Variants in FHIP1A observed in about 807,000 individuals in gnomAD.
FHIP1A encodes FHF complex subunit HOOK-interacting protein 1A.
FHIP1A carries 61 observed loss-of-function variants against 88.6 expected under a neutral mutation model. The observed-to-expected ratio is 0.69, with a 90% CI of 0.56 to 0.85. The LOEUF is 0.85. FHIP1A is among the 40% of genes least tolerant of loss of function. The pLI is 0.00. For synonymous variants in FHIP1A, 478 were observed against 496.0 expected, an observed-to-expected ratio of 0.96 and a Z score of 0.48; for missense variants, 1,154 against 1,273.5, an observed-to-expected ratio of 0.91 and a Z score of 1.43.
At chr4:151,515,197 C>A (rs1443058012) in intron 3 of FHIP1A, among the ~76,000 whole-genome samples, 4 of 151,894 alleles carry the variant, frequency 2.6e-5, no homozygotes, top group African/African-American at 9.7e-5. Context: ...GAACCAAAGA[C>A]AAAAACCACA....
At chr4:151,446,174 T>C (rs1194307928) in intron 1 of FHIP1A, among the ~76,000 whole-genome samples, 2 of 152,088 alleles carry the variant, frequency 1.3e-5, no homozygotes, top group Non-Finnish European at 2.9e-5. Context: ...ATGATCAGAC[T>C]TCTTAAATCT....
rs532787602 is a variant in FHIP1A, at chr4:151,413,792, G to A, written c.-356+4327G>A. 2.0e-5 allele frequency among the ~76,000 whole-genome samples: 3 copies of A among 152,096 alleles called. No homozygotes were observed. The South Asian group carries it at 6.2e-4, about 32-fold the overall frequency. On this transcript the variant is annotated intron_variant, in intron 1 of 13. Coordinates refer to ENST00000435205, the MANE Select transcript of FHIP1A (RefSeq NM_001109977.3). ...CTTAAAAAAAAAAGCCCTTTGGCAA[G>A]GATGGAGCAAAGGTCTTTTGTCAGA... is the stretch of plus-strand genomic sequence containing the variant.
intron 3 of FHIP1A, among the ~76,000 whole-genome samples, chr4:151,504,261 T>C (rs1730748190): frequency 6.6e-6 from 1 of 152,260 alleles, no homozygotes; most frequent in Non-Finnish European, 1.5e-5. Flanking sequence ...TACAGTTGGC[T>C]ACTGATCATT....
intron 2 of FHIP1A, among the ~76,000 whole-genome samples, chr4:151,458,096 T>C (rs964417300): frequency 6.6e-6 from 1 of 152,182 alleles, no homozygotes; most frequent in Non-Finnish European, 1.5e-5. Flanking sequence ...GTAAATGTTA[T>C]TATTATCCCC....
chr4:151,592,051 CACAATGGTTGAACTAATTT>C (rs931920582), intron 7 of FHIP1A, among the ~76,000 whole-genome samples: 6 of 152,150 alleles, frequency 3.9e-5, no homozygotes, highest in Admixed American at 1.3e-4. Context: ...CACTGTCTTC[CACAATGGTTGAACTAATTT>C]ACACTCCCGC....
intron 7 of FHIP1A, among the ~76,000 whole-genome samples, chr4:151,616,456 T>G (rs894797921): frequency 6.9e-6 from 1 of 144,886 alleles, no homozygotes; most frequent in East Asian, 2.0e-4. Flanking sequence ...TTTTTTTTTT[T>G]TTTTTTTTTT....
intron 7 of FHIP1A, among the ~76,000 whole-genome samples, chr4:151,628,821 G>T (rs1736048392): frequency 6.6e-6 from 1 of 152,138 alleles, no homozygotes; most frequent in Admixed American, 6.5e-5. Context: ...CCCTGGGAAT[G>T]ACCTCTATTC....
intron 3 of FHIP1A, among the ~76,000 whole-genome samples, chr4:151,500,510 T>C (rs997523278): frequency 6.6e-6 from 1 of 151,454 alleles, no homozygotes; most frequent in African/African-American, 2.4e-5. Context: ...CCCATGTCAC[T>C]TGGGGCAACT....
intron 13 of FHIP1A, among the ~76,000 whole-genome samples, chr4:151,660,873 T>C (rs1192375527): frequency 6.6e-6 from 1 of 152,232 alleles, no homozygotes; most frequent in Non-Finnish European, 1.5e-5. Context: ...TTATACCTAT[T>C]GACTCATTTA....
chr4:151,428,536 C>T (rs1463922744), intron 1 of FHIP1A, among the ~76,000 whole-genome samples: 1 of 152,170 alleles, frequency 6.6e-6, no homozygotes, highest in Non-Finnish European at 1.5e-5. Flanking sequence ...CTACCTCACC[C>T]TTAGTAATAT....
At chr4:151,433,856 C>G (rs936829465) in intron 1 of FHIP1A, among the ~76,000 whole-genome samples, 2 of 152,120 alleles carry the variant, frequency 1.3e-5, no homozygotes, top group Non-Finnish European at 2.9e-5. Flanking sequence ...GCCATATTAT[C>G]TTGATTCTAT....
intron 7 of FHIP1A, among the ~76,000 whole-genome samples, chr4:151,628,436 A>C (rs1274150939): frequency 6.6e-6 from 1 of 152,122 alleles, no homozygotes; most frequent in Non-Finnish European, 1.5e-5. Flanking sequence ...CTCAGGGCTC[A>C]TCTACACTTA....
intron 3 of FHIP1A, among the ~76,000 whole-genome samples, chr4:151,564,635 T>C (rs1733310548): frequency 6.6e-6 from 1 of 152,198 alleles, no homozygotes. Flanking sequence ...TTTGTAGTAT[T>C]TGGAATTTTA....
At chr4:151,468,238 T>A (rs1729392763) in intron 2 of FHIP1A, among the ~76,000 whole-genome samples, 1 of 145,976 alleles carries the variant, frequency 6.9e-6, no homozygotes, top group Admixed American at 7.0e-5. Context: ...TGAGCCGAGA[T>A]TGCGCCACTG....
chr4:151,637,970 A>G (rs370538413), intron 8 of FHIP1A, among the ~76,000 whole-genome samples: 9 of 152,200 alleles, frequency 5.9e-5, no homozygotes, highest in African/African-American at 2.2e-4. Flanking sequence ...ATGGGCCAGT[A>G]TGATTGTTAA....
chr4:151,524,135 C>T (rs529359221), intron 3 of FHIP1A, among the ~76,000 whole-genome samples: 1 of 152,052 alleles, frequency 6.6e-6, no homozygotes, highest in South Asian at 2.1e-4. Flanking sequence ...CACAGTGAAA[C>T]CCTGTCTCTA....
intron 3 of FHIP1A, among the ~76,000 whole-genome samples, chr4:151,556,940 GA>G (rs952704618): frequency 3.1e-4 from 46 of 148,848 alleles, no homozygotes; most frequent in East Asian, 2.4e-3. Context: ...AACTTAATGA[GA>G]AAAAAAAAAT....
Position 151,504,422 on chromosome 4 carries a change from GA to G in FHIP1A, c.-123+21778del, listed in dbSNP as rs111562009. On this transcript the variant is annotated intron_variant, in intron 3 of 13. Transcript: ENST00000435205. ...GCCAGTTATTTAAGTGAATAGAAAA[GA>G]AAATCAGGACTGTATCCCCAGATAC... Among the ~76,000 whole-genome samples, 1,235 of 152,176 alleles carry G rather than the reference GA, an allele frequency of 8.1e-3. 14 individuals are homozygous for G. Among genetic ancestry groups the G allele is most frequent in the African/African-American group, 0.029 (1,197 of 41,492 alleles).
intron 3 of FHIP1A, among the ~76,000 whole-genome samples, chr4:151,511,569 G>T (rs1731032461): frequency 6.6e-6 from 1 of 152,324 alleles, no homozygotes; most frequent in African/African-American, 2.4e-5. Context: ...GGAAAATCGG[G>T]TCACTCCCAC....
Sources: gnomAD v4.1 joint callset for allele counts (sites outside exome capture counted in the v4.1 genomes callset) on GRCh38, gnomAD v4.1.1 for gene constraint, MANE v1.5 for transcripts, NCBI Gene and HGNC (gene_info 2026-07-23, HGNC 2026-07-21) for gene names.